The following SEMA6D variants were observed in gnomAD, a reference collection of about 807,000 sequenced individuals.
The protein encoded by SEMA6D is semaphorin-6D.
A neutral mutation model predicts 106.6 loss-of-function variants in SEMA6D; 35 were observed. The ratio of observed to expected loss-of-function variants is 0.33; its 90% confidence interval spans 0.25 to 0.44. SEMA6D has a LOEUF of 0.44. Among genes scored for constraint, SEMA6D ranks in the 20% least tolerant of loss-of-function variants. SEMA6D has a pLI of 1.00. For missense variants in SEMA6D, 1,185 were observed against 1,345.9 expected (o/e 0.88, Z 1.87); for synonymous variants, 499 against 487.7 (o/e 1.02, Z -0.31).
intron 4 of SEMA6D, among the ~76,000 whole-genome samples, chr15:47,710,283 G>T (rs1350589282): frequency 6.6e-6 from 1 of 152,124 alleles, no homozygotes; most frequent in African/African-American, 2.4e-5. Context: ...GACAGTTACT[G>T]AGGTTGATGG....
intron 1 of SEMA6D, among the ~76,000 whole-genome samples, chr15:47,366,660 A>G (rs1413844857): frequency 2.0e-5 from 3 of 152,218 alleles, no homozygotes; most frequent in African/African-American, 4.8e-5. Flanking sequence ...TTGATATTAC[A>G]TGGAGTGAAT....
intron 3 of SEMA6D, among the ~76,000 whole-genome samples, chr15:47,518,172 T>C (rs1712216453): frequency 6.6e-6 from 1 of 152,182 alleles, no homozygotes; most frequent in Non-Finnish European, 1.5e-5. Flanking sequence ...GGCTGTGATT[T>C]AGAGCACAGA....
At chr15:47,585,804 G>A (rs1230964719) in intron 3 of SEMA6D, among the ~76,000 whole-genome samples, 2 of 152,140 alleles carry the variant, frequency 1.3e-5, no homozygotes, top group East Asian at 1.9e-4. Context: ...ACCCCCATAA[G>A]CAAGTACTAT....
intron 4 of SEMA6D, among the ~76,000 whole-genome samples, chr15:47,639,821 CA>C (rs754702664): frequency 3.3e-5 from 5 of 152,132 alleles, no homozygotes; most frequent in Non-Finnish European, 7.4e-5. Context: ...GAGCACTCCT[CA>C]AAAACTGTCA....
intron 3 of SEMA6D, among the ~76,000 whole-genome samples, chr15:47,586,252 G>A (rs1828327135): frequency 6.6e-6 from 1 of 152,154 alleles, no homozygotes; most frequent in Non-Finnish European, 1.5e-5. Context: ...TACAAACAGT[G>A]CTTAGCAGGC....
intron 4 of SEMA6D, among the ~76,000 whole-genome samples, chr15:47,681,514 G>T (rs2078352604): frequency 6.6e-6 from 1 of 152,154 alleles, no homozygotes; most frequent in Non-Finnish European, 1.5e-5. Flanking sequence ...AAAATTTCTA[G>T]AGCTGTACTG....
chr15:47,232,710 A>G (rs1241421631), intron 1 of SEMA6D, among the ~76,000 whole-genome samples: 1 of 151,684 alleles, frequency 6.6e-6, no homozygotes, highest in East Asian at 1.9e-4. Flanking sequence ...TCATGTGCTT[A>G]TTTTCCATTC....
At chr15:47,512,912 A>G (rs1249690661) in intron 3 of SEMA6D, among the ~76,000 whole-genome samples, 3 of 152,188 alleles carry the variant, frequency 2.0e-5, no homozygotes, top group African/African-American at 7.2e-5. Context: ...GATGGGAGAA[A>G]TGTGTTCCAT....
At chr15:47,482,134 T>C (rs937551316) in intron 3 of SEMA6D, among the ~76,000 whole-genome samples, 20 of 152,264 alleles carry the variant, frequency 1.3e-4, no homozygotes, top group African/African-American at 4.8e-4. Context: ...GGTCAGTAAT[T>C]GATCTCTCTA....
intron 4 of SEMA6D, among the ~76,000 whole-genome samples, chr15:47,711,497 C>T (rs182741802): frequency 5.9e-5 from 9 of 152,216 alleles, no homozygotes; most frequent in East Asian, 3.9e-4. Flanking sequence ...ATGAACCCCC[C>T]GTAACTGGGA....
chr15:47,267,050 T>A (rs191887636), intron 1 of SEMA6D, among the ~76,000 whole-genome samples: 1 of 152,122 alleles, frequency 6.6e-6, no homozygotes, highest in African/African-American at 2.4e-5. Flanking sequence ...ACCGGGGCTT[T>A]CTTTATTTCT....
intron 1 of SEMA6D, among the ~76,000 whole-genome samples, chr15:47,271,396 A>C (rs995022971): frequency 6.6e-6 from 1 of 152,198 alleles, no homozygotes; most frequent in African/African-American, 2.4e-5. Context: ...GGTCACTGGC[A>C]GTTAGCTGTG....
intron 1 of SEMA6D, among the ~76,000 whole-genome samples, chr15:47,223,499 G>C (rs1364331527): frequency 6.6e-6 from 1 of 151,874 alleles, no homozygotes; most frequent in East Asian, 1.9e-4. Flanking sequence ...ACTTTTTAAG[G>C]ATTTTTTCTT....
At chr15:47,462,125 C>T (rs955805874) in intron 2 of SEMA6D, among the ~76,000 whole-genome samples, 3 of 152,070 alleles carry the variant, frequency 2.0e-5, no homozygotes, top group Non-Finnish European at 2.9e-5. Context: ...ATATACTCTT[C>T]CCATTTTTCT....
At chr15:47,610,250 A>G (rs16959817) in intron 4 of SEMA6D, among the ~76,000 whole-genome samples, 1 of 152,164 alleles carries the variant, frequency 6.6e-6, no homozygotes, top group Non-Finnish European at 1.5e-5. Flanking sequence ...GGAAACGTAT[A>G]TAAGCAAGAT....
chr15:47,189,110 A>G (rs906765002), intron 1 of SEMA6D, among the ~76,000 whole-genome samples: 7 of 152,154 alleles, frequency 4.6e-5, no homozygotes, highest in Non-Finnish European at 1.0e-4. Context: ...AGAAAAAGTT[A>G]TTGTGATTCC....
At chr15:47,581,288 A>G (rs1165455814) in intron 3 of SEMA6D, 4 of 477,748 alleles carry the variant, frequency 8.4e-6, no homozygotes, top group African/African-American at 2.0e-5. Context: ...TGTGGTTTAC[A>G]TTGTGCAATT....
rs562579972 is a variant in SEMA6D at position 47,498,343 on chromosome 15, C to T, written c.-87+27798C>T. 4.6e-5 allele frequency among the ~76,000 whole-genome samples: 7 copies of T among 152,188 alleles called. No homozygotes were observed. The South Asian group carries it at 1.0e-3, about 23-fold the overall frequency. ...GTTATGAACCAGCCTGAAGCAAAAC[C>T]GCAAAATAGGGAAATTTGGTTTTGG... On this transcript the variant is annotated intron_variant, in intron 3 of 19. Coordinates refer to the SEMA6D transcript ENST00000558014.
At chr15:47,266,401 G>C (rs1188848824) in intron 1 of SEMA6D, among the ~76,000 whole-genome samples, 1 of 152,102 alleles carries the variant, frequency 6.6e-6, no homozygotes, top group African/African-American at 2.4e-5. Context: ...GGTGGAGACA[G>C]AGCTTTCCTG....
Sources: gnomAD v4.1 joint callset for allele counts (sites outside exome capture counted in the v4.1 genomes callset) on GRCh38, gnomAD v4.1.1 for gene constraint, MANE v1.5 for transcripts, NCBI Gene and HGNC (gene_info 2026-07-23, HGNC 2026-07-21) for gene names.